KIAA1217: variants seen among roughly 807,000 people sequenced by gnomAD.
The protein encoded by KIAA1217 is KIAA1217, also known as sickle tail protein homolog.
In KIAA1217, 88 loss-of-function variants were observed where a neutral mutation model predicts 163.9. The observed-to-expected ratio is 0.54, with a 90% CI of 0.45 to 0.64. KIAA1217 has a LOEUF of 0.64. Among genes scored for constraint, KIAA1217 ranks in the 30% least tolerant of loss-of-function variants. The probability of loss-of-function intolerance (pLI) is 0.00; values close to 1 mark genes in which losing one functional copy is unlikely to be tolerated. For missense variants in KIAA1217, 2,372 were observed against 2,475.0 expected, an observed-to-expected ratio of 0.96 and a Z score of 0.88; for synonymous variants, 903 against 923.1, an observed-to-expected ratio of 0.98 and a Z score of 0.39.
intron 2 of KIAA1217, among the ~76,000 whole-genome samples, chr10:24,141,225 A>AACCCCCCCCCC (rs796365302): frequency 1.3e-5 from 1 of 76,260 alleles, no homozygotes; most frequent in Admixed American, 1.6e-4. Flanking sequence ...GAAAGAATAA[A>AACCCCCCCCCC]CCCCCCCCCC....
chr10:23,723,413 A>C (rs1486061661), intron 1 of KIAA1217, among the ~76,000 whole-genome samples: 1 of 152,148 alleles, frequency 6.6e-6, no homozygotes, highest in African/African-American at 2.4e-5. Context: ...AAATGAAAAA[A>C]AAATCACCTT....
At chr10:23,746,792 A>T (rs1312453845) in intron 1 of KIAA1217, among the ~76,000 whole-genome samples, 2 of 152,108 alleles carry the variant, frequency 1.3e-5, no homozygotes, top group African/African-American at 2.4e-5. Flanking sequence ...AGAGGTGTGT[A>T]TGCACCTTTC....
intron 3 of KIAA1217, among the ~76,000 whole-genome samples, chr10:24,432,271 C>T (rs182742478): frequency 2.0e-5 from 3 of 151,846 alleles, no homozygotes; most frequent in Admixed American, 2.0e-4. Flanking sequence ...GCATGTGCCA[C>T]CACACCCAGC....
In KIAA1217 at chr10:24,473,888, C is replaced by G; in HGVS notation, c.1507C>G (p.Arg503Gly). 6.2e-7 allele frequency: 1 copy of G among 1,614,140 alleles called. No individual in the cohort carries two copies. The highest frequency in any genetic ancestry group is 8.5e-7 in the Non-Finnish European group (1 of 1,180,028). Residue 503 changes from arginine to glycine, a missense_variant, in exon 6 of 21, where the codon CGG (arginine) becomes GGG (glycine). Physicochemically the swap from Arg to Gly is moderately radical, Grantham distance 125. Around this residue, in one of 3 missense-constraint regions of KIAA1217, gnomAD observed 1,431 missense variants for 1,470.3 expected, o/e 0.97. Coordinates refer to ENST00000376454, the MANE Select transcript of KIAA1217 (RefSeq NM_019590.5). ...HGPPHTMQPD[R>G]ASPSRQAFKK... ...CCCCCCTCACACCATGCAGCCAGAC[C>G]GGGCCTCTCCGAGCCGCCAGGCCTT...
At chr10:23,702,779 C>T (rs1284515875) in intron 1 of KIAA1217, among the ~76,000 whole-genome samples, 2 of 151,716 alleles carry the variant, frequency 1.3e-5, no homozygotes, top group Non-Finnish European at 2.9e-5. Context: ...ACTGAACAGA[C>T]AATATCGAAT....
intron 1 of KIAA1217, among the ~76,000 whole-genome samples, chr10:23,896,325 C>T (rs1841699300): frequency 6.6e-6 from 1 of 152,004 alleles, no homozygotes; most frequent in Non-Finnish European, 1.5e-5. Flanking sequence ...AGCACTTCTG[C>T]ATGAATTTGT....
intron 1 of KIAA1217, among the ~76,000 whole-genome samples, chr10:23,924,495 T>C (rs930554424): frequency 1.3e-5 from 2 of 152,166 alleles, no homozygotes; most frequent in Admixed American, 6.5e-5. Flanking sequence ...TGTGACAAAA[T>C]GAGAGCAGTA....
At chr10:24,305,807 C>A (rs2041945395) in intron 2 of KIAA1217, among the ~76,000 whole-genome samples, 1 of 152,084 alleles carries the variant, frequency 6.6e-6, no homozygotes, top group Non-Finnish European at 1.5e-5. Context: ...GCCCAGGGGT[C>A]ATCCATTAAG....
At chr10:24,531,753 G>T in intron 14 of KIAA1217, 77 bp from the exon 15 acceptor site, 8 of 1,382,416 alleles carry the variant, frequency 5.8e-6, no homozygotes, top group Non-Finnish European at 7.8e-6. Context: ...ATTGCATTGG[G>T]TTTGTAGCAA....
At chr10:24,022,758 C>G (rs182736829) in intron 2 of KIAA1217, among the ~76,000 whole-genome samples, 1 of 151,302 alleles carries the variant, frequency 6.6e-6, no homozygotes, top group Non-Finnish European at 1.5e-5. Flanking sequence ...CCTTCCTAAA[C>G]GGGAATATTA....
chr10:24,428,237 C>T (rs115003414), intron 3 of KIAA1217, among the ~76,000 whole-genome samples: 2,856 of 152,260 alleles, frequency 0.019, 93 homozygotes, highest in African/African-American at 0.065. Flanking sequence ...ACCTCAAGAG[C>T]GGTTTTGGCC....
chr10:24,003,760 T>C (rs1287472642), intron 1 of KIAA1217, among the ~76,000 whole-genome samples: 1 of 152,240 alleles, frequency 6.6e-6, no homozygotes, highest in Non-Finnish European at 1.5e-5. Context: ...ATAATTCTAC[T>C]ACTGTAGTAA....
chr10:23,812,954 A>G (rs969659330), intron 1 of KIAA1217, among the ~76,000 whole-genome samples: 7 of 151,124 alleles, frequency 4.6e-5, no homozygotes, highest in Admixed American at 4.0e-4. Flanking sequence ...TCTTGGGTGT[A>G]AACATAGGAA....
At chr10:24,240,186 GA>G (rs1440239714) in intron 2 of KIAA1217, among the ~76,000 whole-genome samples, 3 of 152,164 alleles carry the variant, frequency 2.0e-5, no homozygotes, top group African/African-American at 7.2e-5. Flanking sequence ...TGAGTTAGCT[GA>G]AAGGGGTTAG....
chr10:23,903,793 G>T (rs1057238748), intron 1 of KIAA1217, among the ~76,000 whole-genome samples: 1 of 152,046 alleles, frequency 6.6e-6, no homozygotes, highest in African/African-American at 2.4e-5. Context: ...ATATTTTGGG[G>T]TAGTATTTCC....
intron 1 of KIAA1217, among the ~76,000 whole-genome samples, chr10:23,936,744 C>G (rs1156991382): frequency 6.6e-6 from 1 of 152,166 alleles, no homozygotes; most frequent in Non-Finnish European, 1.5e-5. Flanking sequence ...GCCTCCAGAA[C>G]TGTGAGATAA....
intron 6 of KIAA1217, among the ~76,000 whole-genome samples, chr10:24,487,082 C>G (rs537389637): frequency 6.6e-6 from 1 of 152,204 alleles, no homozygotes; most frequent in Non-Finnish European, 1.5e-5. Flanking sequence ...ACGGCTTCTC[C>G]GCTTGCCCTG....
At chr10:24,471,983 G>A (rs1383749731) in intron 5 of KIAA1217, among the ~76,000 whole-genome samples, 2 of 151,474 alleles carry the variant, frequency 1.3e-5, no homozygotes, top group Admixed American at 1.3e-4. Context: ...ACTTACAGAT[G>A]ACTTGAATGG....
intron 1 of KIAA1217, among the ~76,000 whole-genome samples, chr10:23,816,490 A>G (rs886723190): frequency 9.2e-5 from 14 of 152,058 alleles, no homozygotes; most frequent in African/African-American, 3.4e-4. Flanking sequence ...ATGAGGTTTC[A>G]CCATATTGGC....
Sources: allele counts gnomAD v4.1 joint callset (sites outside exome capture counted in the v4.1 genomes callset), GRCh38; gene constraint gnomAD v4.1.1; regional missense constraint gnomAD v4.1.1; transcripts MANE v1.5; gene names NCBI Gene and HGNC (gene_info 2026-07-23, HGNC 2026-07-21).